DNAH8: variants seen among roughly 807,000 people sequenced by gnomAD.
DNAH8 encodes the protein dynein axonemal heavy chain 8.
Under a neutral mutation model 562.1 loss-of-function variants are expected in DNAH8, and 382 were observed. The observed-to-expected ratio is 0.68, with a 90% CI of 0.63 to 0.74. The LOEUF is 0.74. Among genes scored for constraint, DNAH8 ranks in the 30% least tolerant of loss-of-function variants. The probability of loss-of-function intolerance (pLI) is 0.00; values close to 1 mark genes in which losing one functional copy is unlikely to be tolerated. For synonymous variants in DNAH8, 1,881 were observed against 1,919.4 expected, an observed-to-expected ratio of 0.98 and a Z score of 0.52; for missense variants, 5,203 against 5,620.4, an observed-to-expected ratio of 0.93 and a Z score of 2.37.
chr6:38,938,130 T>C lies in DNAH8; in HGVS notation c.11720T>C (p.Ile3907Thr). The change falls in exon 78 of 93, where the codon ATC becomes ACC. Residue 3907 changes from isoleucine (I) to threonine (T), a missense_variant. Around this residue, in one of 6 missense-constraint regions of DNAH8, gnomAD observed 1,399 missense variants for 1,518.4 expected, o/e 0.92. Coordinates refer to ENST00000327475, the MANE Select transcript of DNAH8 (RefSeq NM_001206927.2). The stretch of plus-strand genomic sequence containing the variant: ...CGGCCCGCAGCCACCCGCGGAAGCA[T>C]CCTCTACTTCCTCATCACAGAGATG... ...EFRPAATRGS[I>T]LYFLITEMSM... 1 of 1,614,076 alleles carries C rather than the reference T, an allele frequency of 6.2e-7. No individual in the cohort carries two copies. The highest frequency in any genetic ancestry group is 8.5e-7 in the Non-Finnish European group (1 of 1,180,008).
At chr6:38,949,300 C>T in intron 80 of DNAH8, 152 bp from the exon 81 acceptor site, 2 of 640,764 alleles carry the variant, frequency 3.1e-6, no homozygotes, top group Non-Finnish European at 5.6e-6. Context: ...TTATTCAAGT[C>T]ATTGATCCTG....
At chr6:38,921,633 A>G (rs1427737162) in intron 71 of DNAH8, 127 bp downstream of exon 71, 1 of 1,044,654 alleles carries the variant, frequency 9.6e-7, no homozygotes, top group Non-Finnish European at 1.3e-6. Context: ...TCTGCTTTGG[A>G]TCTTTGGTGC....
intron 21 of DNAH8, 33 bp from the exon 22 acceptor site, chr6:38,803,146 C>T: frequency 6.8e-7 from 1 of 1,480,918 alleles, no homozygotes; most frequent in Non-Finnish European, 9.1e-7. Context: ...TTTTAAGTAT[C>T]TGGAAAATAA....
chr6:38,826,858 A>G (rs1678723), intron 29 of DNAH8, among the ~76,000 whole-genome samples: 145,818 of 152,266 alleles, frequency 0.96, 69,881 homozygotes, highest in East Asian at 0.99. Flanking sequence ...ATCAATGAAA[A>G]ATGTTTTTAG....
chr6:38,763,182 C>CTCGGTGGTCGACGT, intron 11 of DNAH8: 3 of 286,058 alleles, frequency 1.0e-5, no homozygotes, highest in African/African-American at 2.3e-5. Flanking sequence ...CAGTGTAGAT[C>CTCGGTGGTCGACGT]ATACATTTGG....
chr6:39,001,675 G>C (rs1040634971), intron 88 of DNAH8, among the ~76,000 whole-genome samples: 4 of 152,176 alleles, frequency 2.6e-5, no homozygotes, highest in Admixed American at 2.0e-4. Context: ...ATAGAAAAAG[G>C]CTTAGTGATG....
rs1312887091 is a variant in DNAH8 at position 38,838,060 on chromosome 6, G to A, written c.4466+18G>A. 3 of 1,495,566 alleles carry A rather than the reference G, an allele frequency of 2.0e-6. No individual in the cohort carries two copies. The highest frequency in any genetic ancestry group is 1.9e-6 in the Non-Finnish European group (2 of 1,079,912). 92.6% of individuals were successfully genotyped at this position (1,495,566 alleles called of 1,614,324 possible). On this transcript the variant is annotated intron_variant, in intron 33 of 92. Transcript: ENST00000327475. ...AAAACCAGGTAAGTTTAGAAAATAA[G>A]CAAGTATTACATGCAAATAATTAAA...
At chr6:38,848,909 G>T in intron 37 of DNAH8, 108 bp downstream of exon 37, 1 of 1,093,856 alleles carries the variant, frequency 9.1e-7, no homozygotes, top group Non-Finnish European at 1.3e-6. Context: ...ACTATGATGG[G>T]GTTTGGCAAA....
chr6:38,833,015 G>T (rs537763497), intron 31 of DNAH8, among the ~76,000 whole-genome samples: 144 of 152,088 alleles, frequency 9.5e-4, no homozygotes, highest in Non-Finnish European at 1.9e-3. Context: ...CATTGATTTT[G>T]CATTCTCACT....
chr6:39,019,584 C>T (rs1409333022), intron 91 of DNAH8, among the ~76,000 whole-genome samples: 6 of 152,056 alleles, frequency 3.9e-5, no homozygotes, highest in African/African-American at 9.7e-5. Flanking sequence ...CTCGTATAGA[C>T]GTGAGAGAGG....
At chr6:38,888,742 T>C (rs1373200795) in intron 57 of DNAH8, among the ~76,000 whole-genome samples, 1 of 152,186 alleles carries the variant, frequency 6.6e-6, no homozygotes, top group African/African-American at 2.4e-5. Context: ...AAATCAAGCA[T>C]TAGTGAGAAT....
chr6:38,925,339 ATT>A (rs946025603), intron 73 of DNAH8, among the ~76,000 whole-genome samples: 126 of 68,440 alleles, frequency 1.8e-3, no homozygotes, highest in Middle Eastern at 8.2e-3. Context: ...ATTTTATTTT[ATT>A]TTATTTTTTT....
intron 82 of DNAH8, among the ~76,000 whole-genome samples, chr6:38,963,680 CTTTTT>C (rs778971367): frequency 1.7e-5 from 1 of 60,578 alleles, no homozygotes; most frequent in Non-Finnish European, 2.9e-5. Context: ...AAAGTCCATT[CTTTTT>C]TTTTTTTTTT....
chr6:38,942,395 G>A lies in DNAH8; in HGVS notation c.12008-3072G>A, dbSNP rs185432950. On this transcript the variant is annotated intron_variant, in intron 79 of 92. Coordinates refer to ENST00000327475, the MANE Select transcript of DNAH8 (RefSeq NM_001206927.2). ...CACAGTGGATGGTGGGAAGGAAAAA[G>A]GAGGTCAGAGGTAGAAAGAGGAGGT... Among the ~76,000 whole-genome samples, 368 of 152,244 alleles carry A rather than the reference G, an allele frequency of 2.4e-3. 1 individual carries two copies. Among genetic ancestry groups the A allele is most frequent in the African/African-American group, 8.0e-3 (332 of 41,538 alleles).
chr6:38,870,530 AACCATCC>A lies in DNAH8; in HGVS notation c.6962_6968del (p.His2321ProfsTer4), dbSNP rs752692263. On this transcript the variant is annotated frameshift_variant, in exon 49 of 93. Transcript: ENST00000327475. LOFTEE classifies it high-confidence loss of function. Reference sequence around the variant, plus strand: ...TCAGGTTCAGATAGAGGGTTTGATTAACCATCCACCCTGGAACCTGAAACTCGTGCAG... The same window carrying A: ...TCAGGTTCAGATAGAGGGTTTGATTAACCCTGGAACCTGAAACTCGTGCAG... The A allele has an allele frequency of 1.9e-5, 31 of 1,614,056 alleles. No homozygotes were observed. The highest frequency in any genetic ancestry group is 1.6e-4 in the Middle Eastern group (1 of 6,062).
chr6:38,982,938 T>C (rs1375878348), intron 86 of DNAH8, among the ~76,000 whole-genome samples: 1 of 152,238 alleles, frequency 6.6e-6, no homozygotes, highest in African/African-American at 2.4e-5. Context: ...TTCTCATGTG[T>C]GCAGGATCTC....
In DNAH8 at chr6:38,894,688, T is replaced by G; in HGVS notation, c.8584-13T>G. The stretch of plus-strand genomic sequence containing the variant: ...GAAAACTAACTGAGAGTATTACATT[T>G]TTTCATCTCTAGGTGAAGATGCTGC... On this transcript the variant is annotated splice_polypyrimidine_tract_variant and intron_variant, in intron 58 of 92. Coordinates refer to ENST00000327475, the MANE Select transcript of DNAH8 (RefSeq NM_001206927.2). 1 of 1,608,554 alleles carries G rather than the reference T, an allele frequency of 6.2e-7. No homozygotes were observed. Among genetic ancestry groups the G allele is most frequent in the Non-Finnish European group, 8.5e-7 (1 of 1,175,632 alleles).
intron 25 of DNAH8, among the ~76,000 whole-genome samples, chr6:38,814,917 A>G (rs928449283): frequency 6.6e-6 from 1 of 152,152 alleles, no homozygotes; most frequent in African/African-American, 2.4e-5. Flanking sequence ...TCCAAGCCAC[A>G]TGGGATGGCT....
chr6:38,770,470 A>T lies in DNAH8; in HGVS notation c.1675A>T (p.Ile559Phe). The T allele has an allele frequency of 6.2e-7, 1 of 1,608,710 alleles. No homozygotes were observed. The highest frequency in any genetic ancestry group is 1.1e-5 in the South Asian group (1 of 90,168). Residue 559 changes from isoleucine (I) to phenylalanine (F), a missense_variant, in exon 12 of 93, where the codon ATT becomes TTT. Around this residue, in one of 6 missense-constraint regions of DNAH8, gnomAD observed 2,176 missense variants for 2,365.1 expected, o/e 0.92. Transcript: ENST00000327475. ...QASFHKTRKL[I>F]SESSGEKSFE... ...ATCTTTTCATAAAACAAGGAAACTGATTTCAGAATCCTCAGGGGAAAAATC... is the reference window on the plus strand; with the variant it reads ...ATCTTTTCATAAAACAAGGAAACTGTTTTCAGAATCCTCAGGGGAAAAATC...
Sources: gnomAD v4.1 joint callset for allele counts (sites outside exome capture counted in the v4.1 genomes callset) on GRCh38, gnomAD v4.1.1 for gene constraint, gnomAD v4.1.1 regional missense constraint, MANE v1.5 for transcripts, NCBI Gene and HGNC (gene_info 2026-07-23, HGNC 2026-07-21) for gene names.